CDKAL1: variants seen among roughly 807,000 people sequenced by gnomAD.
CDKAL1 encodes CDKAL1 threonylcarbamoyladenosine tRNA methylthiotransferase, also known as threonylcarbamoyladenosine tRNA methylthiotransferase.
A neutral mutation model predicts 68.2 loss-of-function variants in CDKAL1; 32 were observed. The ratio of observed to expected loss-of-function variants is 0.47; its 90% CI spans 0.35 to 0.63. CDKAL1 has a LOEUF of 0.63. Ranked by LOEUF, CDKAL1 falls within the 30% of genes least tolerant of loss-of-function variation. The pLI is 0.00. For missense variants in CDKAL1, 606 were observed against 696.7 expected (o/e 0.87, Z 1.47); for synonymous variants, 234 against 244.3 (o/e 0.96, Z 0.39).
chr6:21,116,252 C>T (rs1376514803), intron 13 of CDKAL1, among the ~76,000 whole-genome samples: 3 of 151,996 alleles, frequency 2.0e-5, no homozygotes, highest in Non-Finnish European at 4.4e-5. Context: ...AAATTCGGTG[C>T]GCTTAAGATG....
chr6:21,005,438 C>G (rs1279466278), intron 11 of CDKAL1, among the ~76,000 whole-genome samples: 1 of 152,148 alleles, frequency 6.6e-6, no homozygotes, highest in Non-Finnish European at 1.5e-5. Context: ...GGAAATGAAA[C>G]AGTTTATATA....
At chr6:20,767,746 CATTT>C (rs1353583329) in intron 7 of CDKAL1, among the ~76,000 whole-genome samples, 1 of 152,058 alleles carries the variant, frequency 6.6e-6, no homozygotes, top group African/African-American at 2.4e-5. Context: ...TCGATTTGAA[CATTT>C]ATTTCTAATA....
chr6:20,699,075 CTA>C (rs1771229840), intron 5 of CDKAL1, among the ~76,000 whole-genome samples: 2 of 151,898 alleles, frequency 1.3e-5, no homozygotes, highest in Non-Finnish European at 2.9e-5. Context: ...TCCTCTGTTT[CTA>C]TATATTTTTC....
chr6:20,626,354 C>T (rs1278100482), intron 4 of CDKAL1, among the ~76,000 whole-genome samples: 2 of 152,040 alleles, frequency 1.3e-5, no homozygotes, highest in South Asian at 2.1e-4. Context: ...CCTCTGTTTT[C>T]CCAGCACATA....
chr6:20,696,511 G>A (rs544278169), intron 5 of CDKAL1, among the ~76,000 whole-genome samples: 35 of 152,236 alleles, frequency 2.3e-4, no homozygotes, highest in African/African-American at 8.2e-4. Flanking sequence ...CTAGAATACA[G>A]ACTTTTTATT....
At chr6:21,098,991 T>G (rs1177100096) in intron 12 of CDKAL1, among the ~76,000 whole-genome samples, 1 of 152,174 alleles carries the variant, frequency 6.6e-6, no homozygotes, top group East Asian at 1.9e-4. Context: ...CCATGCATTA[T>G]GAAGCTTACT....
rs112084248 is a variant in CDKAL1 at position 20,557,276 on chromosome 6, T to C, written c.286+8571T>C. Reference sequence around the variant, plus strand: ...CTGTAGCCAAAGATGATGTCTGTTGTTAATATCTTAAGGTTCTGAAGTCTA... The same window carrying C: ...CTGTAGCCAAAGATGATGTCTGTTGCTAATATCTTAAGGTTCTGAAGTCTA... On this transcript the variant is annotated intron_variant, in intron 4 of 15. Coordinates refer to ENST00000274695, the MANE Select transcript of CDKAL1 (RefSeq NM_017774.3). 7.9e-3 allele frequency among the ~76,000 whole-genome samples: 1,209 copies of C among 152,110 alleles called. 6 individuals carry two copies. Among genetic ancestry groups the C allele is most frequent in the Middle Eastern group, 0.02 (6 of 294 alleles).
intron 12 of CDKAL1, among the ~76,000 whole-genome samples, chr6:21,080,712 A>G (rs556271703): frequency 6.6e-6 from 1 of 152,170 alleles, no homozygotes; most frequent in Non-Finnish European, 1.5e-5. Flanking sequence ...ACTAAATTCC[A>G]TTACCATGTA....
At chr6:21,050,236 A>G (rs1350018399) in intron 11 of CDKAL1, among the ~76,000 whole-genome samples, 2 of 152,210 alleles carry the variant, frequency 1.3e-5, no homozygotes, top group Non-Finnish European at 1.5e-5. Flanking sequence ...GTTGTATTTT[A>G]GCATATAGAT....
intron 6 of CDKAL1, among the ~76,000 whole-genome samples, chr6:20,753,944 C>T (rs1179985086): frequency 7.2e-6 from 1 of 139,474 alleles, no homozygotes; most frequent in Non-Finnish European, 1.6e-5. Context: ...CACCAACACT[C>T]GTTATTATCT....
chr6:21,127,386 A>T (rs150585360), intron 13 of CDKAL1, among the ~76,000 whole-genome samples: 6 of 152,222 alleles, frequency 3.9e-5, no homozygotes. Flanking sequence ...TGATTGAACC[A>T]TGTTGGACCT....
chr6:21,049,817 C>CTTTTTTTTTTTT (rs58277582), intron 11 of CDKAL1, among the ~76,000 whole-genome samples: 1 of 137,144 alleles, frequency 7.3e-6, no homozygotes, highest in Non-Finnish European at 1.6e-5. Context: ...GTCTCTCATC[C>CTTTTTTTTTTTT]TTTTTTTTTT....
At chr6:20,711,672 G>A (rs1170613319) in intron 5 of CDKAL1, among the ~76,000 whole-genome samples, 1 of 152,178 alleles carries the variant, frequency 6.6e-6, no homozygotes, top group Non-Finnish European at 1.5e-5. Flanking sequence ...CTGGAAATTG[G>A]TATTTATGTG....
intron 7 of CDKAL1, among the ~76,000 whole-genome samples, chr6:20,778,191 C>G (rs1047741156): frequency 1.3e-5 from 2 of 152,020 alleles, no homozygotes; most frequent in African/African-American, 2.4e-5. Flanking sequence ...GAAGAAAACA[C>G]AGGAGAAATC....
intron 9 of CDKAL1, among the ~76,000 whole-genome samples, chr6:20,954,742 A>G (rs1393453154): frequency 6.6e-6 from 1 of 152,198 alleles, no homozygotes; most frequent in Non-Finnish European, 1.5e-5. Context: ...CTTTATAACA[A>G]TAATAACGAC....
rs548976636 is a variant in CDKAL1, at chr6:21,065,334, C to G, written c.1236+106C>G. 113 of 872,682 alleles carry G rather than the reference C, an allele frequency of 1.3e-4. 3 individuals carry two copies. In the African/African-American group the frequency reaches 1.8e-3, roughly 14 times the overall value. The allele number at this position is 872,682 out of a possible 1,614,324, so 54.1% of individuals were successfully genotyped here. A position where few individuals can be genotyped will look rare whatever the true frequency, so the allele number is the denominator to read the frequency against. On this transcript the variant is annotated intron_variant, in intron 12 of 15. Coordinates refer to ENST00000274695, the MANE Select transcript of CDKAL1 (RefSeq NM_017774.3). ...TGCTCATGTTATAACCCTTAAATTA[C>G]AAAATATGGAGAGATTTCCAAGTTG...
chr6:20,890,336 A>T (rs1365197329), intron 9 of CDKAL1, among the ~76,000 whole-genome samples: 2 of 152,230 alleles, frequency 1.3e-5, no homozygotes, highest in Non-Finnish European at 2.9e-5. Context: ...AGTGGTGCTT[A>T]TGGAGTTTTC....
intron 15 of CDKAL1, among the ~76,000 whole-genome samples, chr6:21,212,657 A>G (rs1306234755): frequency 6.6e-6 from 1 of 152,126 alleles, no homozygotes; most frequent in Non-Finnish European, 1.5e-5. Flanking sequence ...AAAGAAATAG[A>G]GTGTGTTTGT....
At chr6:21,225,587 A>AACTT (rs1378870866) in intron 15 of CDKAL1, among the ~76,000 whole-genome samples, 1 of 152,150 alleles carries the variant, frequency 6.6e-6, no homozygotes, top group Admixed American at 6.5e-5. Context: ...TCCTTCTGAT[A>AACTT]ACTTCCTAAG....
Sources: gnomAD v4.1 joint callset for allele counts (sites outside exome capture counted in the v4.1 genomes callset) on GRCh38, gnomAD v4.1.1 for gene constraint, MANE v1.5 for transcripts, NCBI Gene and HGNC (gene_info 2026-07-23, HGNC 2026-07-21) for gene names.